Variants in CYP46A1 observed in about 807,000 individuals in gnomAD.
The protein encoded by CYP46A1 is cholesterol 24-hydroxylase.
Under a neutral mutation model 63.3 loss-of-function variants are expected in CYP46A1, and 20 were observed. The observed-to-expected ratio is 0.32, with a 90% CI of 0.22 to 0.46. The LOEUF (loss-of-function observed/expected upper bound fraction) is 0.46, where lower values mean the gene tolerates loss of function less well. Among genes scored for constraint, CYP46A1 ranks in the 20% least tolerant of loss-of-function variants. CYP46A1 has a pLI of 1.00. For synonymous variants in CYP46A1, 268 were observed against 273.6 expected, an observed-to-expected ratio of 0.98 and a Z score of 0.20; for missense variants, 445 against 670.8, an observed-to-expected ratio of 0.66 and a Z score of 3.72.
rs377304188 is a variant in CYP46A1 at position 99,707,693 on chromosome 14, C to G, written c.693+15C>G. 4 of 1,611,006 alleles carry G rather than the reference C, an allele frequency of 2.5e-6. No homozygotes were observed. The highest frequency in any genetic ancestry group is 2.2e-5 in the East Asian group (1 of 44,858). On this transcript the variant is annotated intron_variant, in intron 7 of 14. Coordinates refer to ENST00000261835, the MANE Select transcript of CYP46A1 (RefSeq NM_006668.2). Reference sequence around the variant, plus strand: ...CTCTGGCAAAGGTACTGCCTCAGCACCCCCTCTGGTGACCAGCCACCAGAG... The same window carrying G: ...CTCTGGCAAAGGTACTGCCTCAGCAGCCCCTCTGGTGACCAGCCACCAGAG...
chr14:99,717,050 T>TA (rs2056796887), intron 9 of CYP46A1, among the ~76,000 whole-genome samples: 1 of 152,090 alleles, frequency 6.6e-6, no homozygotes, highest in African/African-American at 2.4e-5. Context: ...CGGCCAGTGT[T>TA]AAAGCAAGGC....
At chr14:99,698,715 G>A (rs1303437693) in intron 3 of CYP46A1, among the ~76,000 whole-genome samples, 2 of 152,208 alleles carry the variant, frequency 1.3e-5, no homozygotes, top group Non-Finnish European at 2.9e-5. Context: ...GTTAGCATGT[G>A]GTGCAGCAGG....
chr14:99,699,607 C>T (rs1044230846), intron 4 of CYP46A1, 68 bp downstream of exon 4: 21 of 1,531,482 alleles, frequency 1.4e-5, no homozygotes, highest in African/African-American at 9.6e-5. Flanking sequence ...AGGGCCAGTG[C>T]GGTCCAGAAT....
At chr14:99,695,115 T>C (rs750157093) in intron 3 of CYP46A1, among the ~76,000 whole-genome samples, 21 of 152,254 alleles carry the variant, frequency 1.4e-4, no homozygotes, top group Admixed American at 2.6e-4. Flanking sequence ...CTTTCTGTTA[T>C]TGATTTCTAA....
intron 5 of CYP46A1, among the ~76,000 whole-genome samples, chr14:99,705,784 C>T (rs1317945863): frequency 1.3e-5 from 2 of 152,166 alleles, no homozygotes; most frequent in Non-Finnish European, 2.9e-5. Flanking sequence ...AATTAGCCAG[C>T]CATGCTGGCA....
intron 10 of CYP46A1, among the ~76,000 whole-genome samples, chr14:99,719,535 CT>C (rs1488920406): frequency 1.3e-5 from 2 of 151,772 alleles, no homozygotes; most frequent in African/African-American, 4.8e-5. Flanking sequence ...GTCTCCAGAC[CT>C]TTTTCATCTT....
At position 99,726,738 on chromosome 14, in the gene CYP46A1, A is replaced by C. The variant is rs946071942; in HGVS notation, c.*11A>C. The C allele has an allele frequency of 1.3e-5, 20 of 1,505,134 alleles. No homozygotes were observed. The Admixed American group carries it at 4.2e-4, about 31-fold the overall frequency. The allele number at this position is 1,505,134 out of a possible 1,614,324, so 93.2% of individuals were successfully genotyped here. On this transcript the variant is annotated 3_prime_UTR_variant, in exon 15 of 15. Coordinates refer to ENST00000261835, the MANE Select transcript of CYP46A1 (RefSeq NM_006668.2). ...CCACCCCCCTGCTGAGGGGGCCTCC[A>C]GGCAGGACGAGACTCCTCGGGCAAG...
intron 3 of CYP46A1, among the ~76,000 whole-genome samples, chr14:99,692,722 T>C (rs951578128): frequency 3.4e-5 from 5 of 145,454 alleles, no homozygotes; most frequent in Non-Finnish European, 4.5e-5. Flanking sequence ...CCCAGCTACC[T>C]GGGGGGCTGA....
chr14:99,723,973 G>C (rs531764290), intron 12 of CYP46A1, among the ~76,000 whole-genome samples: 2 of 152,270 alleles, frequency 1.3e-5, no homozygotes, highest in African/African-American at 4.8e-5. Flanking sequence ...CTGGAGGCTG[G>C]AAGTCTGAGA....
At chr14:99,707,532 G>T in intron 6 of CYP46A1, 36 bp from the exon 7 acceptor site, 1 of 1,578,870 alleles carries the variant, frequency 6.3e-7, no homozygotes, top group South Asian at 1.1e-5. Flanking sequence ...GCCCTTCTGT[G>T]CCCCAGGGAT....
intron 10 of CYP46A1, among the ~76,000 whole-genome samples, chr14:99,720,531 T>C (rs1334504709): frequency 6.7e-6 from 1 of 148,382 alleles, no homozygotes; most frequent in Non-Finnish European, 1.5e-5. Flanking sequence ...CTACCTCTGC[T>C]CACTGCAAAC....
rs750728901 is a variant in CYP46A1, at chr14:99,726,149, C to T, written c.1266-41C>T. On this transcript the variant is annotated intron_variant, in intron 13 of 14. Transcript: ENST00000261835. ...TCCTTATGTTGTTCCTGTGGGGACG[C>T]CTGGGGCTGCTGGCCTCGTGATTCC... is the stretch of plus-strand genomic sequence containing the variant. The T allele has an allele frequency of 3.8e-6, 6 of 1,571,376 alleles. No individual in the cohort carries two copies. In the Admixed American group the frequency reaches 1.0e-4, roughly 26 times the overall value.
intron 3 of CYP46A1, chr14:99,695,425 C>A (rs1298799996): frequency 1.9e-5 from 8 of 430,910 alleles, no homozygotes; most frequent in Non-Finnish European, 3.2e-5. Flanking sequence ...TCTATTTCTA[C>A]TTTCAGTTCC....
chr14:99,706,984 C>T (rs1475628309), intron 6 of CYP46A1, among the ~76,000 whole-genome samples, 199 bp downstream of exon 6: 2 of 152,224 alleles, frequency 1.3e-5, no homozygotes, highest in South Asian at 2.1e-4. Flanking sequence ...GGGCTAGTAA[C>T]TCATTCTTGA....
intron 5 of CYP46A1, 136 bp from the exon 6 acceptor site, chr14:99,706,511 A>T: frequency 8.7e-7 from 1 of 1,152,588 alleles, no homozygotes. Flanking sequence ...CTGGGTCTCA[A>T]GGGGAGGCCA....
At chr14:99,717,168 C>T (rs2056797783) in intron 9 of CYP46A1, among the ~76,000 whole-genome samples, 1 of 152,138 alleles carries the variant, frequency 6.6e-6, no homozygotes, top group Non-Finnish European at 1.5e-5. Flanking sequence ...TCTGGACAGA[C>T]CTAGCCTCAG....
At chr14:99,694,470 T>C (rs1182054087) in intron 3 of CYP46A1, among the ~76,000 whole-genome samples, 1 of 151,502 alleles carries the variant, frequency 6.6e-6, no homozygotes, top group African/African-American at 2.4e-5. Flanking sequence ...TCCTTCATTG[T>C]TTGTCTTCTA....
intron 11 of CYP46A1, 77 bp from the exon 12 acceptor site, chr14:99,721,871 ACAGGGGTC>A: frequency 1.8e-6 from 2 of 1,114,492 alleles, no homozygotes; most frequent in Non-Finnish European, 2.7e-6. Flanking sequence ...GGTGGGAAAG[ACAGGGGTC>A]CCAGGCATGC....
chr14:99,722,774 AG>A lies in CYP46A1; in HGVS notation c.1176+710del. The A allele has an allele frequency of 3.0e-6, 1 of 332,770 alleles. No homozygotes were observed. 20.6% of individuals were successfully genotyped at this position (332,770 alleles called of 1,614,324 possible). On this transcript the variant is annotated intron_variant, in intron 12 of 14. Transcript: ENST00000261835. The surrounding 1 kb of genome is among the most constrained non-coding windows in gnomAD (Gnocchi z 4.6). ...TGTGTAGGTTTCTCCACAAGGCCGTAGGACAACCACCATCGCTGATCAGTTC... is the reference window on the plus strand; with the variant it reads ...TGTGTAGGTTTCTCCACAAGGCCGTAGACAACCACCATCGCTGATCAGTTC...
Sources: allele counts gnomAD v4.1 joint callset (sites outside exome capture counted in the v4.1 genomes callset), GRCh38; gene constraint gnomAD v4.1.1; non-coding constraint Gnocchi (gnomAD v3.1); transcripts MANE v1.5; gene names NCBI Gene and HGNC (gene_info 2026-07-23, HGNC 2026-07-21).